Variants in CECR2 observed in about 807,000 individuals in gnomAD.
CECR2 encodes the protein chromatin remodeling regulator CECR2.
CECR2 carries 30 observed loss-of-function variants against 154.5 expected under a neutral mutation model. That is an observed-to-expected ratio of 0.19 (90% CI 0.15 to 0.26). The LOEUF is 0.26. Ranked by LOEUF, CECR2 falls within the 10% of genes least tolerant of loss-of-function variation. The probability of loss-of-function intolerance (pLI) is 1.00; values close to 1 mark genes in which losing one functional copy is unlikely to be tolerated. For missense variants in CECR2, 1,743 were observed against 1,829.3 expected (o/e 0.95, Z 0.86); for synonymous variants, 725 against 683.7 (o/e 1.06, Z -0.94).
chr22:17,387,005 ATTGT>A (rs1214414236), intron 1 of CECR2, among the ~76,000 whole-genome samples: 1 of 151,894 alleles, frequency 6.6e-6, no homozygotes, highest in Non-Finnish European at 1.5e-5. Context: ...TTGACTGTTG[ATTGT>A]TTGGAATACT....
At chr22:17,460,094 C>G (rs752770772) in intron 1 of CECR2, among the ~76,000 whole-genome samples, 7 of 152,154 alleles carry the variant, frequency 4.6e-5, no homozygotes, top group Non-Finnish European at 8.8e-5. Flanking sequence ...ATTTTTATAA[C>G]TTCCTCTTCC....
At chr22:17,511,569 G>C (rs1432691895) in intron 7 of CECR2, among the ~76,000 whole-genome samples, 1 of 151,242 alleles carries the variant, frequency 6.6e-6, no homozygotes, top group East Asian at 1.9e-4. Flanking sequence ...TTTTGCCAGT[G>C]ATACATATTA....
intron 1 of CECR2, among the ~76,000 whole-genome samples, chr22:17,418,480 C>T (rs2054187971): frequency 6.6e-6 from 1 of 152,052 alleles, no homozygotes; most frequent in Non-Finnish European, 1.5e-5. Context: ...TGTCAGAAAC[C>T]AACTCCCTTT....
chr22:17,504,631 CG>C (rs1239416247), intron 6 of CECR2, among the ~76,000 whole-genome samples: 2 of 148,338 alleles, frequency 1.3e-5, no homozygotes, highest in Admixed American at 6.7e-5. Flanking sequence ...TTAGTAGAGA[CG>C]GGGTTTCACC....
intron 1 of CECR2, among the ~76,000 whole-genome samples, chr22:17,387,573 C>A (rs1295144784): frequency 6.6e-6 from 1 of 152,120 alleles, no homozygotes; most frequent in Admixed American, 6.5e-5. Flanking sequence ...AGGGAGTCTT[C>A]CATGCCCTGC....
intron 1 of CECR2, 44 bp downstream of exon 1, chr22:17,369,953 C>G (rs1783100851): frequency 1.3e-5 from 2 of 150,998 alleles, no homozygotes; most frequent in Non-Finnish European, 3.0e-5. Flanking sequence ...GCGCCCCCTG[C>G]TCCCCCTGCC....
chr22:17,410,421 A>G (rs1014185418), intron 1 of CECR2, among the ~76,000 whole-genome samples: 4 of 151,870 alleles, frequency 2.6e-5, no homozygotes, highest in South Asian at 2.1e-4. Context: ...CCCTGTTTGT[A>G]TAATAAAAAC....
intron 1 of CECR2, among the ~76,000 whole-genome samples, chr22:17,405,152 G>A (rs1373589068): frequency 4.6e-5 from 7 of 152,188 alleles, no homozygotes; most frequent in African/African-American, 1.4e-4. Flanking sequence ...ACTCACACCT[G>A]TAATCCCAGC....
intron 8 of CECR2, chr22:17,518,617 C>A: frequency 2.4e-6 from 1 of 412,934 alleles, no homozygotes. Context: ...GGATGGTTTC[C>A]CCATGGGCTT....
chr22:17,517,286 C>T (rs2056076788), intron 8 of CECR2, among the ~76,000 whole-genome samples: 1 of 152,236 alleles, frequency 6.6e-6, no homozygotes, highest in Non-Finnish European at 1.5e-5. Flanking sequence ...CTTCCTTTCC[C>T]CTCACCTTCC....
chr22:17,447,868 T>G (rs1302708752), intron 1 of CECR2, among the ~76,000 whole-genome samples: 7 of 132,370 alleles, frequency 5.3e-5, no homozygotes, highest in Non-Finnish European at 9.0e-5. Flanking sequence ...TAGCCACATT[T>G]CAAGTGTTTT....
At chr22:17,397,558 C>T (rs1460984057) in intron 1 of CECR2, among the ~76,000 whole-genome samples, 1 of 152,098 alleles carries the variant, frequency 6.6e-6, no homozygotes. Context: ...ACTGCAGTGG[C>T]GCTATCTCTG....
intron 2 of CECR2, among the ~76,000 whole-genome samples, chr22:17,480,459 C>CACACACACACACACACACACAG (rs373106595): frequency 8.3e-5 from 12 of 143,740 alleles, no homozygotes; most frequent in Admixed American, 1.4e-4. Flanking sequence ...CACACACACA[C>CACACACACACACACACACACAG]AGAGAAAAGT....
At chr22:17,460,236 G>T (rs1340420194) in intron 1 of CECR2, among the ~76,000 whole-genome samples, 1 of 152,164 alleles carries the variant, frequency 6.6e-6, no homozygotes, top group African/African-American at 2.4e-5. Flanking sequence ...CTGAGACAGA[G>T]TTTTGCTCTG....
chr22:17,483,165 G>A (rs1024699570), intron 2 of CECR2, among the ~76,000 whole-genome samples: 17 of 152,222 alleles, frequency 1.1e-4, no homozygotes, highest in African/African-American at 1.4e-4. Flanking sequence ...ACCCTGTGTC[G>A]GCCTAGGCCG....
intron 1 of CECR2, among the ~76,000 whole-genome samples, chr22:17,426,940 T>C (rs2054340491): frequency 6.6e-6 from 1 of 152,124 alleles, no homozygotes. Flanking sequence ...TAGGTATACA[T>C]GTGCCATGTT....
intron 1 of CECR2, among the ~76,000 whole-genome samples, chr22:17,425,238 T>C (rs1055346064): frequency 6.6e-6 from 1 of 152,078 alleles, no homozygotes; most frequent in African/African-American, 2.4e-5. Context: ...GCATCTAGTA[T>C]CTGAGGAAGA....
chr22:17,537,237 G>A lies in CECR2; in HGVS notation c.1238+5G>A, dbSNP rs2147009752. 6.2e-7 allele frequency: 1 copy of A among 1,613,644 alleles called. No homozygotes were observed. The highest frequency in any genetic ancestry group is 2.2e-5 in the East Asian group (1 of 44,872). ...GGAAAAAAAGACTAAAGACCTGTGA[G>A]TATTTAGTAACAACAACAACAGCAG... is the stretch of plus-strand genomic sequence containing the variant. On this transcript the variant is annotated splice_donor_5th_base_variant and intron_variant, in intron 10 of 18. Coordinates refer to ENST00000262608, the MANE Select transcript of CECR2 (RefSeq NM_001290047.2).
chr22:17,418,761 AGAGAGGGAGGACGG>A lies in CECR2; in HGVS notation c.126+48865_126+48878del, dbSNP rs1057078649. On this transcript the variant is annotated intron_variant, in intron 1 of 18. Transcript: ENST00000262608. ...CCCATCCATTCCTCGACTCTGTTGG[AGAGAGGGAGGACGG>A]GAGAGGGAGGACAGCAGCTCTGTGT... is the stretch of plus-strand genomic sequence containing the variant. 24 of 350,936 alleles carry A rather than the reference AGAGAGGGAGGACGG, an allele frequency of 6.8e-5. No individual in the cohort carries two copies. In the East Asian group the frequency reaches 8.5e-4, roughly 12 times the overall value. The allele number at this position is 350,936 out of a possible 1,614,324, so 21.7% of individuals were successfully genotyped here. A position where few individuals can be genotyped will look rare whatever the true frequency, so the allele number is the denominator to read the frequency against.
Sources: gnomAD v4.1 joint callset for allele counts (sites outside exome capture counted in the v4.1 genomes callset) on GRCh38, gnomAD v4.1.1 for gene constraint, MANE v1.5 for transcripts, NCBI Gene and HGNC (gene_info 2026-07-23, HGNC 2026-07-21) for gene names.